Variants in TTC28 observed in about 807,000 individuals in gnomAD.
TTC28 encodes the protein tetratricopeptide repeat protein 28.
TTC28 carries 61 observed loss-of-function variants against 198.0 expected under a neutral mutation model. The observed-to-expected ratio is 0.31, with a 90% CI of 0.25 to 0.38. The LOEUF is 0.38. Ranked by LOEUF, TTC28 falls within the 10% of genes least tolerant of loss-of-function variation. The pLI, the probability that TTC28 is intolerant of heterozygous loss-of-function variation, is 1.00. For synonymous variants in TTC28, 1,171 were observed against 1,297.8 expected, an observed-to-expected ratio of 0.90 and a Z score of 2.10; for missense variants, 2,678 against 3,164.0, an observed-to-expected ratio of 0.85 and a Z score of 3.69.
intron 2 of TTC28, among the ~76,000 whole-genome samples, chr22:28,576,392 G>T (rs1337808812): frequency 6.6e-6 from 1 of 151,950 alleles, no homozygotes; most frequent in East Asian, 1.9e-4. Flanking sequence ...CAAGTATTTG[G>T]GTGAGGATTT....
At chr22:27,998,092 G>A (rs1394441943) in intron 16 of TTC28, 1 of 193,926 alleles carries the variant, frequency 5.2e-6, no homozygotes, top group Non-Finnish European at 1.1e-5. Flanking sequence ...ATGTGGACCG[G>A]GTGGTGTCAT....
intron 1 of TTC28, among the ~76,000 whole-genome samples, chr22:28,655,712 GC>G (rs1433203311): frequency 6.6e-6 from 1 of 152,084 alleles, no homozygotes; most frequent in Non-Finnish European, 1.5e-5. Context: ...TTAGCCAGGC[GC>G]CGTGGCGGGC....
chr22:28,047,975 A>G (rs1939934363), intron 12 of TTC28, among the ~76,000 whole-genome samples: 1 of 152,072 alleles, frequency 6.6e-6, no homozygotes, highest in Non-Finnish European at 1.5e-5. Context: ...AGTTGTGGAG[A>G]GAACTGCCCT....
At chr22:28,287,459 TATG>T (rs1053347104) in intron 5 of TTC28, among the ~76,000 whole-genome samples, 2 of 152,140 alleles carry the variant, frequency 1.3e-5, no homozygotes, top group Non-Finnish European at 2.9e-5. Flanking sequence ...TAACATTTAA[TATG>T]ATATTAGGTA....
chr22:28,575,495 C>T (rs1487265958), intron 2 of TTC28, among the ~76,000 whole-genome samples: 1 of 152,046 alleles, frequency 6.6e-6, no homozygotes, highest in Admixed American at 6.6e-5. Flanking sequence ...TATTCTGGGT[C>T]TTTTGTGGTT....
At chr22:28,469,181 G>C (rs2048066969) in intron 2 of TTC28, among the ~76,000 whole-genome samples, 1 of 152,106 alleles carries the variant, frequency 6.6e-6, no homozygotes, top group South Asian at 2.1e-4. Flanking sequence ...CCTCTTGTGG[G>C]AATCTGGAAC....
intron 2 of TTC28, among the ~76,000 whole-genome samples, chr22:28,594,833 A>G (rs990563136): frequency 6.6e-6 from 1 of 152,234 alleles, no homozygotes; most frequent in African/African-American, 2.4e-5. Flanking sequence ...AAGTCTCTGC[A>G]TGTTAAATTG....
Position 27,982,344 on chromosome 22 carries a change from C to A in TTC28, c.7323G>T (p.Leu2441=), listed in dbSNP as rs1327272776. 6.5e-7 allele frequency: 1 copy of A among 1,544,502 alleles called. No homozygotes were observed. The highest frequency in any genetic ancestry group is 2.4e-5 in the East Asian group (1 of 40,852). Residue 2441 remains leucine, a synonymous_variant, in exon 23 of 23, where the codon CTG becomes CTT. Coordinates refer to ENST00000397906, the MANE Select transcript of TTC28 (RefSeq NM_001145418.2). This position sits in a 1 kb window ranked among gnomAD's most constrained non-coding sequence, Gnocchi z 5.2. ...GGCCGGCGGGCAGCGGCAGTGAGCC[C>A]AGCGAGGTGGTCTCGGTGCGCCAGT... is the stretch of plus-strand genomic sequence containing the variant. ...NGHWRTETTS[L]GSLPLPAGPP...
chr22:28,315,853 A>G (rs1481912507), intron 2 of TTC28, among the ~76,000 whole-genome samples: 1 of 152,204 alleles, frequency 6.6e-6, no homozygotes, highest in Non-Finnish European at 1.5e-5. Flanking sequence ...AAGAGAATGA[A>G]GGAGCAGGGA....
At chr22:28,104,060 C>A (rs1412608697) in intron 8 of TTC28, among the ~76,000 whole-genome samples, 1 of 152,162 alleles carries the variant, frequency 6.6e-6, no homozygotes, top group East Asian at 1.9e-4. Flanking sequence ...CCAGTGCAGT[C>A]CCTGGTCTGT....
At chr22:28,524,377 G>A (rs61140789) in intron 2 of TTC28, among the ~76,000 whole-genome samples, 2,553 of 150,992 alleles carry the variant, frequency 0.017, 72 homozygotes, top group African/African-American at 0.06. Context: ...GGAGAATGGC[G>A]TGAACCCAGG....
At chr22:27,984,550 A>T (rs377745940) in intron 22 of TTC28, among the ~76,000 whole-genome samples, 1 of 151,916 alleles carries the variant, frequency 6.6e-6, no homozygotes, top group Non-Finnish European at 1.5e-5. Flanking sequence ...GGGTGATGCC[A>T]TGCATGTTTC....
chr22:28,387,620 T>C (rs1004293305), intron 2 of TTC28, among the ~76,000 whole-genome samples: 2 of 152,212 alleles, frequency 1.3e-5, no homozygotes, highest in African/African-American at 4.8e-5. Context: ...TCTCATGTGT[T>C]TTTTGGCTGC....
intron 5 of TTC28, among the ~76,000 whole-genome samples, chr22:28,193,792 C>T (rs1925122501): frequency 6.6e-6 from 1 of 152,190 alleles, no homozygotes; most frequent in South Asian, 2.1e-4. Flanking sequence ...TAAATCAAGT[C>T]CTTAGAGACC....
Position 27,982,497 on chromosome 22 carries a change from A to C in TTC28, c.7170T>G (p.Asp2390Glu). The C allele has an allele frequency of 6.4e-7, 1 of 1,551,560 alleles. No individual in the cohort carries two copies. The highest frequency in any genetic ancestry group is 8.7e-7 in the Non-Finnish European group (1 of 1,146,994). Residue 2390 changes from aspartate (D) to glutamate (E), a missense_variant, in exon 23 of 23, where the codon GAT becomes GAG. Physicochemically the swap from Asp to Glu is conservative, Grantham distance 45 (BLOSUM62 2). This residue lies in a region of TTC28 where 622 missense variants were observed against 656.0 expected (regional missense o/e 0.95). Coordinates refer to ENST00000397906, the MANE Select transcript of TTC28 (RefSeq NM_001145418.2). This position sits in a 1 kb window ranked among gnomAD's most constrained non-coding sequence, Gnocchi z 5.2. ...GTGACAAATTCAACAGACTGAGGACATCCCTTTTGGAAGTCATCGTGCCAG... is the reference window on the plus strand; with the variant it reads ...GTGACAAATTCAACAGACTGAGGACCTCCCTTTTGGAAGTCATCGTGCCAG... ...GAPGTMTSKR[D>E]VLSLLNLSPR... is the part of the protein sequence containing the mutation.
chr22:28,052,302 TC>T (rs1357525977), intron 12 of TTC28, among the ~76,000 whole-genome samples: 1 of 152,190 alleles, frequency 6.6e-6, no homozygotes. Context: ...TGACCCTTTA[TC>T]ATGTGCCAGG....
intron 12 of TTC28, among the ~76,000 whole-genome samples, chr22:28,061,117 G>T (rs1601575288): frequency 6.6e-6 from 1 of 152,258 alleles, no homozygotes; most frequent in African/African-American, 2.4e-5. Flanking sequence ...CTGGATATTA[G>T]CCCTTTGTCA....
intron 2 of TTC28, among the ~76,000 whole-genome samples, chr22:28,319,944 CT>C (rs1244225672): frequency 1.3e-5 from 2 of 152,148 alleles, no homozygotes; most frequent in Admixed American, 6.5e-5. Context: ...ATATAGATAT[CT>C]GACATGGTTT....
chr22:28,461,515 TAGC>T (rs2047950454), intron 2 of TTC28, among the ~76,000 whole-genome samples: 1 of 152,054 alleles, frequency 6.6e-6, no homozygotes, highest in African/African-American at 2.4e-5. Context: ...TGGCTCACTG[TAGC>T]ATCTGCCTCC....
Sources: gnomAD v4.1 joint callset for allele counts (sites outside exome capture counted in the v4.1 genomes callset) on GRCh38, gnomAD v4.1.1 for gene constraint, gnomAD v4.1.1 regional missense constraint, Gnocchi (gnomAD v3.1) non-coding constraint, MANE v1.5 for transcripts, NCBI Gene and HGNC (gene_info 2026-07-23, HGNC 2026-07-21) for gene names.